Variants in SYCP2 observed in about 807,000 individuals in gnomAD.
SYCP2 encodes the protein synaptonemal complex lateral element protein.
Under a neutral mutation model 211.3 loss-of-function variants are expected in SYCP2, and 55 were observed. That is an observed-to-expected ratio of 0.26 (90% confidence interval 0.21 to 0.33). The LOEUF (loss-of-function observed/expected upper bound fraction) is 0.33, where lower values mean the gene tolerates loss of function less well. Among genes scored for constraint, SYCP2 ranks in the 10% least tolerant of loss-of-function variants. The pLI is 1.00. For missense variants in SYCP2, 1,731 were observed against 1,752.0 expected (o/e 0.99, Z 0.21); for synonymous variants, 570 against 555.2 (o/e 1.03, Z -0.37).
intron 13 of SYCP2, 139 bp downstream of exon 13, chr20:59,912,234 G>T: frequency 4.0e-6 from 2 of 503,108 alleles, no homozygotes; most frequent in South Asian, 4.4e-5. Flanking sequence ...TTCACTGTCA[G>T]ATACAGAATA....
intron 32 of SYCP2, 150 bp downstream of exon 32, chr20:59,877,858 A>G: frequency 1.5e-6 from 1 of 660,816 alleles, no homozygotes; most frequent in Non-Finnish European, 2.5e-6. Flanking sequence ...ATGATTTAAA[A>G]AGAAACAGGA....
intron 2 of SYCP2, among the ~76,000 whole-genome samples, chr20:59,931,493 TTG>T (rs1399270707): frequency 8.3e-6 from 1 of 120,366 alleles, no homozygotes; most frequent in Non-Finnish European, 2.0e-5. Context: ...ATGTGAAAAC[TTG>T]ATTTAAAACT....
At chr20:59,912,257 C>T in intron 13 of SYCP2, 116 bp downstream of exon 13, 1 of 539,488 alleles carries the variant, frequency 1.9e-6, no homozygotes, top group Non-Finnish European at 3.3e-6. Flanking sequence ...AGACCAGCTA[C>T]ATTCATGATC....
intron 12 of SYCP2, among the ~76,000 whole-genome samples, chr20:59,913,102 T>C (rs1233717860): frequency 2.0e-5 from 3 of 152,228 alleles, no homozygotes; most frequent in African/African-American, 7.2e-5. Context: ...ATTGTTTCCA[T>C]AGAACTTAAA....
At chr20:59,878,280 C>G (rs2059599987) in intron 31 of SYCP2, among the ~76,000 whole-genome samples, 1 of 152,110 alleles carries the variant, frequency 6.6e-6, no homozygotes, top group Non-Finnish European at 1.5e-5. Context: ...CCTCACAATA[C>G]ACTATTTTGG....
At position 59,886,823 on chromosome 20, in the gene SYCP2, T is replaced by C; in HGVS notation, c.2376A>G (p.Ser792=). 6.3e-7 allele frequency: 1 copy of C among 1,577,480 alleles called. No homozygotes were observed. Among genetic ancestry groups the C allele is most frequent in the East Asian group, 2.3e-5 (1 of 43,550 alleles). ...DSKQKKMREK[S]KGKEFTNVAE... Reference sequence around the variant, plus strand: ...CTACATTGGTAAATTCTTTCCCTTTTGACTTTTCTCTCTGAAAAAAATTGT... The same window carrying C: ...CTACATTGGTAAATTCTTTCCCTTTCGACTTTTCTCTCTGAAAAAAATTGT... The change falls in exon 25 of 45, where the codon TCA becomes TCG. Residue 792 remains serine (S), a synonymous_variant. Coordinates refer to ENST00000357552, the MANE Select transcript of SYCP2 (RefSeq NM_014258.4).
chr20:59,874,899 A>C (rs1028292406), intron 34 of SYCP2, among the ~76,000 whole-genome samples: 4 of 152,042 alleles, frequency 2.6e-5, no homozygotes, highest in Non-Finnish European at 4.4e-5. Flanking sequence ...ACTTTTGTTA[A>C]TGAAATGTAA....
intron 39 of SYCP2, among the ~76,000 whole-genome samples, chr20:59,867,120 A>G (rs868547081): frequency 0.058 from 474 of 8,182 alleles, no homozygotes; most frequent in Admixed American, 0.087. Context: ...GGGGGGGGGG[A>G]GGGTGTTGAT....
chr20:59,868,591 T>G, intron 37 of SYCP2, 23 bp from the exon 38 acceptor site: 1 of 1,553,370 alleles, frequency 6.4e-7, no homozygotes, highest in Non-Finnish European at 8.6e-7. Flanking sequence ...TAAAGAAAGT[T>G]AAAAGCGCTG....
intron 25 of SYCP2, 87 bp from the exon 26 acceptor site, chr20:59,886,051 T>A: frequency 1.0e-6 from 1 of 998,528 alleles, no homozygotes; most frequent in Non-Finnish European, 1.5e-6. Context: ...TGTTTGTCAC[T>A]AAATTTATAT....
chr20:59,902,496 A>G (rs2060133242), intron 15 of SYCP2, among the ~76,000 whole-genome samples: 1 of 152,164 alleles, frequency 6.6e-6, no homozygotes, highest in Non-Finnish European at 1.5e-5. Context: ...CTATTGCTGA[A>G]TGAAAAGTCT....
At position 59,900,299 on chromosome 20, in the gene SYCP2, G is replaced by GA. The variant is rs761331130; in HGVS notation, c.1258-16dup. On this transcript the variant is annotated splice_polypyrimidine_tract_variant and intron_variant, in intron 17 of 44. Coordinates refer to ENST00000357552, the MANE Select transcript of SYCP2 (RefSeq NM_014258.4). ...GGCACTAGAATCTGTTGGAGAATAT[G>GA]AAAAAAAAAGTATTTAAAACTGCAA... is the stretch of plus-strand genomic sequence containing the variant. 194 of 1,549,262 alleles carry GA rather than the reference G, an allele frequency of 1.3e-4. No individual in the cohort carries two copies. Among genetic ancestry groups the GA allele is most frequent in the African/African-American group, 3.1e-4 (22 of 71,634 alleles).
At chr20:59,886,204 A>G (rs527330633) in intron 25 of SYCP2, among the ~76,000 whole-genome samples, 1 of 152,204 alleles carries the variant, frequency 6.6e-6, no homozygotes, top group East Asian at 1.9e-4. Context: ...GAATGATTCC[A>G]CCATAAGAAT....
chr20:59,927,491 C>T (rs1032198959), intron 2 of SYCP2, among the ~76,000 whole-genome samples: 1 of 152,010 alleles, frequency 6.6e-6, no homozygotes, highest in Non-Finnish European at 1.5e-5. Flanking sequence ...TCTGTTCTAA[C>T]CCAAAGTAGA....
rs370850377 is a variant in SYCP2, at chr20:59,932,110, G to A, written c.-95C>T. 2.6e-4 allele frequency: 39 copies of A among 152,228 alleles called. No individual in the cohort carries two copies. Among genetic ancestry groups the A allele is most frequent in the East Asian group, 7.7e-4 (4 of 5,176 alleles). The allele number at this position is 152,228 out of a possible 1,614,324, so 9.4% of individuals were successfully genotyped here. On this transcript the variant is annotated 5_prime_UTR_variant, in exon 2 of 45. Coordinates refer to ENST00000357552, the MANE Select transcript of SYCP2 (RefSeq NM_014258.4). ...CTCCAGTCTACTGAACTGGGGGACT[G>A]GTTAGCGAGCAACACAGAGAACTAG...
chr20:59,896,570 T>C (rs776009597), intron 18 of SYCP2, 42 bp from the exon 19 acceptor site: 2 of 1,051,318 alleles, frequency 1.9e-6, no homozygotes, highest in East Asian at 4.8e-5. Flanking sequence ...ACACAGTCTT[T>C]TTGAAATTAA....
In SYCP2 at chr20:59,882,125, G is replaced by C; in HGVS notation, c.2570C>G (p.Thr857Ser). Reference sequence around the variant, plus strand: ...GCATTCAGAAGTAACATTAACAAAGGTAGTCTTCAGTTTTCTGTAGCTTTT... The same window carrying C: ...GCATTCAGAAGTAACATTAACAAAGCTAGTCTTCAGTTTTCTGTAGCTTTT... ...QKKSYRKLKTTFVNVTSECPV... is the reference protein window; with the variant it reads ...QKKSYRKLKTSFVNVTSECPV... Residue 857 changes from threonine (T) to serine (S), a missense_variant, in exon 27 of 45, where the codon ACC (threonine) becomes AGC (serine). Thr to Ser is a moderately conservative substitution (Grantham distance 58). This residue lies in a region of SYCP2 where 1,387 missense variants were observed against 1,351.3 expected (regional missense o/e 1.03). Transcript: ENST00000357552. 6.2e-7 allele frequency: 1 copy of C among 1,612,858 alleles called. No homozygotes were observed. The highest frequency in any genetic ancestry group is 8.5e-7 in the Non-Finnish European group (1 of 1,179,410).
intron 12 of SYCP2, among the ~76,000 whole-genome samples, chr20:59,912,677 GAT>G (rs1205644333): frequency 6.6e-6 from 1 of 152,142 alleles, no homozygotes; most frequent in Non-Finnish European, 1.5e-5. Flanking sequence ...TTTTGTGTGT[GAT>G]ATGGTTTGGT....
intron 14 of SYCP2, among the ~76,000 whole-genome samples, chr20:59,907,984 C>T (rs1282706804): frequency 6.6e-6 from 1 of 152,184 alleles, no homozygotes; most frequent in Non-Finnish European, 1.5e-5. Context: ...CGGTGGCTCA[C>T]GCCTGTAATC....
Sources: gnomAD v4.1 joint callset for allele counts (sites outside exome capture counted in the v4.1 genomes callset) on GRCh38, gnomAD v4.1.1 for gene constraint, gnomAD v4.1.1 regional missense constraint, MANE v1.5 for transcripts, NCBI Gene and HGNC (gene_info 2026-07-23, HGNC 2026-07-21) for gene names.